The following PRH1 variants were observed in gnomAD, a reference collection of about 807,000 sequenced individuals.
The protein encoded by PRH1 is proline rich protein HaeIII subfamily 1, also known as salivary acidic proline-rich phosphoprotein 1/2.
A neutral mutation model predicts 7.9 loss-of-function variants in PRH1; 7 were observed. The observed-to-expected ratio is 0.89, with a 90% CI of 0.50 to 1.67. The LOEUF (loss-of-function observed/expected upper bound fraction) is 1.67, where lower values mean the gene tolerates loss of function less well. Ranked by LOEUF, PRH1 falls within the 40% of genes most tolerant of loss-of-function variation. The probability of loss-of-function intolerance (pLI) is 0.00; values close to 1 mark genes in which losing one functional copy is unlikely to be tolerated. For synonymous variants in PRH1, 45 were observed against 80.8 expected, an observed-to-expected ratio of 0.56 and a Z score of 2.38; for missense variants, 109 against 223.6, an observed-to-expected ratio of 0.49 and a Z score of 3.27.
intron 1 of PRH1, among the ~76,000 whole-genome samples, chr12:11,004,027 T>A (rs11837371): frequency 0.02 from 2,980 of 150,610 alleles, 97 homozygotes; most frequent in African/African-American, 0.069. Flanking sequence ...CTGATATGAG[T>A]GCAAATCCTG....
At chr12:10,911,041 T>C (rs980361958) in intron 2 of PRH1, among the ~76,000 whole-genome samples, 1 of 152,216 alleles carries the variant, frequency 6.6e-6, no homozygotes, top group African/African-American at 2.4e-5. Context: ...CTTTAACAGT[T>C]TGTTAGGTTT....
At chr12:10,886,703 A>T (rs1949497273), upstream of PRH1, among the ~76,000 whole-genome samples, 1 of 152,174 alleles carries the variant, frequency 6.6e-6, no homozygotes, top group Non-Finnish European at 1.5e-5. Flanking sequence ...CAACATATGA[A>T]ATTTTAGGAT....
chr12:10,882,675 G>T lies in PRH1; in HGVS notation c.124C>A (p.Leu42Ile), dbSNP rs28607516. Residue 42 changes from leucine (L) to isoleucine (I), a missense_variant, in exon 3 of 4, where the codon CTA (leucine) becomes ATA (isoleucine). Physicochemically the swap from Leu to Ile is conservative, Grantham distance 5. Coordinates refer to ENST00000543626, the MANE Select transcript of PRH1 (RefSeq NM_001393989.1). ...GGTGGTCCCTGACGCTCCTCATCTA[G>T]GAACTGCTCAGAGTCTCCTCCATCT... ...ISDGGDSEQF[L>I]DEERQGPPLG... 629,983 of 1,211,398 alleles carry T rather than the reference G, an allele frequency of 0.52. 241,126 individuals carry two copies. Among genetic ancestry groups the T allele is most frequent in the East Asian group, 0.74 (30,345 of 41,192 alleles). The allele number at this position is 1,211,398 out of a possible 1,614,324, so 75.0% of individuals were successfully genotyped here.
At position 11,123,569 on chromosome 12, in the gene PRH1, T is replaced by C. The variant is rs867372200; in HGVS notation, n.40-2389A>G. Among the ~76,000 whole-genome samples the C allele has an allele frequency of 3.9e-5, 6 of 152,344 alleles. No homozygotes were observed. In the South Asian group the frequency reaches 1.2e-3, roughly 32 times the overall value. On this transcript the variant is annotated intron_variant and non_coding_transcript_variant, in intron 1 of 1. Transcript: ENST00000541175. ...TTATTTTTCATTGTCATTAATTTTA[T>C]TGCTTCTTGCATGTTCAACTTTGTA...
chr12:11,158,915 A>G (rs1282939235), intron 1 of PRH1: 3 of 152,204 alleles, frequency 2.0e-5, no homozygotes, highest in Non-Finnish European at 4.4e-5. Flanking sequence ...AATCATCATA[A>G]TAAACGTCAT....
chr12:10,982,785 C>G (rs1157625474), intron 1 of PRH1, among the ~76,000 whole-genome samples: 1 of 152,100 alleles, frequency 6.6e-6, no homozygotes. Context: ...AGACCTATAA[C>G]ATAGATGAAG....
Position 11,092,492 on chromosome 12 carries a change from C to G in PRH1, n.124-45304G>C, listed in dbSNP as rs2136265818. Among the ~76,000 whole-genome samples the G allele has an allele frequency of 1.7e-5, 2 of 115,216 alleles. 1 individual carries two copies. Among genetic ancestry groups the G allele is most frequent in the African/African-American group, 5.8e-5 (2 of 34,414 alleles). 75.6% of individuals were successfully genotyped at this position (115,216 alleles called of 152,430 possible). A position where few individuals can be genotyped will look rare whatever the true frequency, so the allele number is the denominator to read the frequency against. On this transcript the variant is annotated intron_variant and non_coding_transcript_variant, in intron 1 of 4. Transcript: ENST00000541977. Reference sequence around the variant, plus strand: ...GGCTGAAGCCATGAGCTTTTATTCCCTTATTTGTCCCCTCCCATTTTCCTT... The same window carrying G: ...GGCTGAAGCCATGAGCTTTTATTCCGTTATTTGTCCCCTCCCATTTTCCTT...
chr12:10,970,562 T>G (rs1471287323), intron 2 of PRH1, among the ~76,000 whole-genome samples: 16 of 141,088 alleles, frequency 1.1e-4, no homozygotes, highest in Non-Finnish European at 2.4e-4. Context: ...AAAGTTTTTT[T>G]GTTTTTTTTT....
At chr12:11,038,254 C>T (rs1185137517) in intron 1 of PRH1, among the ~76,000 whole-genome samples, 3 of 152,132 alleles carry the variant, frequency 2.0e-5, no homozygotes, top group Non-Finnish European at 4.4e-5. Context: ...AGTAATAACA[C>T]AACAGAAACA....
chr12:11,102,829 T>C (rs1290497876), intron 1 of PRH1, among the ~76,000 whole-genome samples: 2 of 152,034 alleles, frequency 1.3e-5, no homozygotes, highest in South Asian at 2.1e-4. Flanking sequence ...ACAAAGAACT[T>C]AAACAAATTT....
At chr12:11,074,719 A>T (rs1298239602) in intron 1 of PRH1, among the ~76,000 whole-genome samples, 2 of 115,796 alleles carry the variant, frequency 1.7e-5, no homozygotes, top group Non-Finnish European at 4.1e-5. Flanking sequence ...TTTCCCAAAC[A>T]GCCACCAAGG....
Position 11,082,950 on chromosome 12 carries a change from C to T in PRH1, n.124-35762G>A, listed in dbSNP as rs891416962. Among the ~76,000 whole-genome samples, 53 of 116,614 alleles carry T rather than the reference C, an allele frequency of 4.5e-4. 10 individuals are homozygous for T. The highest frequency in any genetic ancestry group is 1.5e-3 in the African/African-American group (52 of 34,838). 76.5% of individuals were successfully genotyped at this position (116,614 alleles called of 152,430 possible). On this transcript the variant is annotated intron_variant and non_coding_transcript_variant, in intron 1 of 4. Transcript: ENST00000541977. The stretch of plus-strand genomic sequence containing the variant: ...CAAAATCTGGGTGATTTTATTATAG[C>T]AGTCAAAGTAGTTACACTACATATG...
intron 1 of PRH1, among the ~76,000 whole-genome samples, chr12:11,068,028 CTTT>C (rs34664451): frequency 1.3e-5 from 2 of 149,564 alleles, no homozygotes; most frequent in African/African-American, 4.9e-5. Context: ...GCTTTTTTAA[CTTT>C]TTTTTTTTAT....
At chr12:10,968,034 T>A (rs544745466) in intron 2 of PRH1, among the ~76,000 whole-genome samples, 1 of 152,332 alleles carries the variant, frequency 6.6e-6, no homozygotes, top group Non-Finnish European at 1.5e-5. Context: ...TGAGCTGAGA[T>A]GGAGCCACTG....
chr12:11,031,630 G>A (rs879257899), intron 1 of PRH1, among the ~76,000 whole-genome samples: 1 of 151,512 alleles, frequency 6.6e-6, no homozygotes, highest in Admixed American at 6.6e-5. Context: ...TCCTTTTTTT[G>A]TCCTATCAGA....
chr12:10,929,408 G>A (rs1950170278), intron 2 of PRH1: 1 of 1,583,034 alleles, frequency 6.3e-7, no homozygotes, highest in South Asian at 1.1e-5. Context: ...GAGGGGGAAA[G>A]TGGAGGGAAG....
At chr12:11,162,620 G>C (rs949673006) in intron 1 of PRH1, among the ~76,000 whole-genome samples, 2 of 152,156 alleles carry the variant, frequency 1.3e-5, no homozygotes, top group African/African-American at 4.8e-5. Flanking sequence ...GTCTGTGGCA[G>C]GTACTGTGTT....
chr12:10,996,884 A>C, intron 1 of PRH1: 1 of 1,458,200 alleles, frequency 6.9e-7, no homozygotes, highest in South Asian at 1.5e-5. Context: ...GGAAATATAA[A>C]ATGTTCCAGA....
intron 1 of PRH1, among the ~76,000 whole-genome samples, chr12:11,020,363 G>A (rs11054169): frequency 0.37 from 32,464 of 86,674 alleles, 4,935 homozygotes; most frequent in Non-Finnish European, 0.45. Context: ...TATGATAAGC[G>A]ATATATATAT....
Sources: gnomAD v4.1 joint callset for allele counts (sites outside exome capture counted in the v4.1 genomes callset) on GRCh38, gnomAD v4.1.1 for gene constraint, MANE v1.5 for transcripts, NCBI Gene and HGNC (gene_info 2026-07-23, HGNC 2026-07-21) for gene names.